The following IL1RAPL1 variants were observed in gnomAD, a reference collection of about 807,000 sequenced individuals.
The protein encoded by IL1RAPL1 is interleukin 1 receptor accessory protein like 1, also known as interleukin-1 receptor accessory protein-like 1.
Under a neutral mutation model 48.4 loss-of-function variants are expected in IL1RAPL1, and 3 were observed. The ratio of observed to expected loss-of-function variants is 0.06; its 90% CI spans 0.03 to 0.16. The LOEUF is 0.16. IL1RAPL1 is among the 10% of genes least tolerant of loss of function. IL1RAPL1 has a pLI of 1.00. For synonymous variants in IL1RAPL1, 185 were observed against 187.7 expected, an observed-to-expected ratio of 0.99 and a Z score of 0.12; for missense variants, 349 against 530.6, an observed-to-expected ratio of 0.66 and a Z score of 3.36.
At chrX:29,784,987 T>A (rs1929460228) in intron 6 of IL1RAPL1, among the ~76,000 whole-genome samples, 1 of 112,127 alleles carries the variant, frequency 8.9e-6, no homozygotes, top group Non-Finnish European at 1.9e-5. Context: ...TTACCTCTTT[T>A]GACAAAATAG....
intron 2 of IL1RAPL1, among the ~76,000 whole-genome samples, chrX:29,064,873 G>A (rs1287212515): frequency 1.8e-5 from 2 of 111,837 alleles, no homozygotes; most frequent in African/African-American, 3.2e-5. Flanking sequence ...GAGCCATTGC[G>A]CCCGGCCGAG....
intron 2 of IL1RAPL1, among the ~76,000 whole-genome samples, chrX:28,850,158 C>T (rs1601930555): frequency 8.9e-6 from 1 of 112,031 alleles, no homozygotes; most frequent in African/African-American, 3.2e-5. Context: ...TAAAATCACT[C>T]ATGTTTGTTT....
chrX:29,464,257 C>T (rs1461692438), intron 5 of IL1RAPL1, among the ~76,000 whole-genome samples: 4 of 111,575 alleles, frequency 3.6e-5, no homozygotes, highest in African/African-American at 1.3e-4. Context: ...CTTAAAAAGC[C>T]TAAATCACAG....
At position 28,785,891 on chromosome X, in the gene IL1RAPL1, A is replaced by G. The variant is rs140685298; in HGVS notation, c.-24-3429A>G. Reference sequence around the variant, plus strand: ...TAGCAAAACATCTTGTAACTAGTGTATGCTCAATAAGGGTTTATCAAATGA... The same window carrying G: ...TAGCAAAACATCTTGTAACTAGTGTGTGCTCAATAAGGGTTTATCAAATGA... On this transcript the variant is annotated intron_variant, in intron 1 of 10. Transcript: ENST00000378993. Among the ~76,000 whole-genome samples the G allele has an allele frequency of 1.5e-3, 165 of 112,424 alleles. 2 individuals are homozygous for G. The highest frequency in any genetic ancestry group is 5.2e-3 in the African/African-American group (161 of 30,999).
In IL1RAPL1 at chrX:29,859,302, C is replaced by A. The variant is rs189009760; in HGVS notation, c.779-58162C>A. Among the ~76,000 whole-genome samples the A allele has an allele frequency of 6.3e-5, 7 of 111,994 alleles. No individual in the cohort carries two copies. In the East Asian group the frequency reaches 2.0e-3, roughly 32 times the overall value. On this transcript the variant is annotated intron_variant, in intron 6 of 10. Transcript: ENST00000378993. ...AGGTTTTTTCTTTTACAGTTGGTAA[C>A]ACCATCCAGTCACCTAAATTAAGAC...
chrX:29,887,535 A>G (rs1446205818), intron 6 of IL1RAPL1, among the ~76,000 whole-genome samples: 2 of 112,105 alleles, frequency 1.8e-5, no homozygotes, highest in Non-Finnish European at 3.8e-5. Context: ...AGCTATGTCA[A>G]ATCTCTCCAT....
intron 5 of IL1RAPL1, among the ~76,000 whole-genome samples, chrX:29,409,629 C>G (rs774840127): frequency 2.1e-4 from 23 of 111,198 alleles, no homozygotes; most frequent in Middle Eastern, 4.6e-3. Flanking sequence ...TGTTTTTACT[C>G]TTGAGCAGAA....
intron 1 of IL1RAPL1, among the ~76,000 whole-genome samples, chrX:28,738,718 G>C (rs1290880753): frequency 9.0e-6 from 1 of 111,483 alleles, no homozygotes; most frequent in Non-Finnish European, 1.9e-5. Flanking sequence ...GCAAGATGGA[G>C]TTAGAAAGAT....
chrX:29,546,878 A>G (rs780708514), intron 5 of IL1RAPL1, among the ~76,000 whole-genome samples: 1 of 112,027 alleles, frequency 8.9e-6, no homozygotes, highest in Non-Finnish European at 1.9e-5. Flanking sequence ...CTGATTTTAT[A>G]TCATTCATCT....
chrX:29,891,050 G>C (rs1932267335), intron 6 of IL1RAPL1, among the ~76,000 whole-genome samples: 1 of 111,618 alleles, frequency 9.0e-6, no homozygotes, highest in African/African-American at 3.3e-5. Context: ...CTTTCTTCCA[G>C]TTCACTGCTT....
At chrX:29,613,022 TG>T (rs945813933) in intron 5 of IL1RAPL1, among the ~76,000 whole-genome samples, 1 of 111,976 alleles carries the variant, frequency 8.9e-6, no homozygotes, top group African/African-American at 3.2e-5. Flanking sequence ...TTTGTTAATT[TG>T]TCTGTTTTAG....
chrX:29,651,606 A>G (rs180672023), intron 5 of IL1RAPL1, among the ~76,000 whole-genome samples: 218 of 111,505 alleles, frequency 2.0e-3, no homozygotes, highest in African/African-American at 6.9e-3. Context: ...GATGGATACC[A>G]GAGGCTGGGG....
chrX:28,946,280 T>C (rs896526946), intron 2 of IL1RAPL1, among the ~76,000 whole-genome samples: 2 of 110,605 alleles, frequency 1.8e-5, no homozygotes, highest in Non-Finnish European at 3.8e-5. Flanking sequence ...ATCATTTATT[T>C]TACTTCATTT....
At chrX:29,046,341 C>T (rs1480500534) in intron 2 of IL1RAPL1, among the ~76,000 whole-genome samples, 2 of 111,366 alleles carry the variant, frequency 1.8e-5, no homozygotes, top group African/African-American at 3.3e-5. Context: ...TGCAGGGTTC[C>T]CAAGTGGCCA....
At chrX:28,598,741 C>T (rs1601829296) in intron 1 of IL1RAPL1, among the ~76,000 whole-genome samples, 1 of 107,126 alleles carries the variant, frequency 9.3e-6, no homozygotes, top group Admixed American at 9.8e-5. Context: ...CAAATCTCCT[C>T]CCTCAGCCTC....
intron 6 of IL1RAPL1, among the ~76,000 whole-genome samples, chrX:29,731,602 A>G (rs957697285): frequency 1.8e-5 from 2 of 111,923 alleles, no homozygotes; most frequent in African/African-American, 3.2e-5. Context: ...AATCTAATAA[A>G]CTTACCTTTC....
At chrX:28,976,606 G>A (rs1925213780) in intron 2 of IL1RAPL1, among the ~76,000 whole-genome samples, 1 of 111,276 alleles carries the variant, frequency 9.0e-6, no homozygotes, top group Admixed American at 9.6e-5. Context: ...ATTAAATCTG[G>A]GGTTCAAGGA....
chrX:28,636,346 T>G (rs1041586612), intron 1 of IL1RAPL1, among the ~76,000 whole-genome samples: 3 of 112,054 alleles, frequency 2.7e-5, no homozygotes, highest in African/African-American at 9.7e-5. Flanking sequence ...AATACCATCT[T>G]GGAAGTTAGT....
At chrX:29,217,675 A>G (rs1217616097) in intron 2 of IL1RAPL1, among the ~76,000 whole-genome samples, 1 of 110,358 alleles carries the variant, frequency 9.1e-6, no homozygotes, top group East Asian at 2.8e-4. Flanking sequence ...CACTTTAAGA[A>G]ACTGCATGAA....
Sources: allele counts gnomAD v4.1 joint callset (sites outside exome capture counted in the v4.1 genomes callset), GRCh38; gene constraint gnomAD v4.1.1; transcripts MANE v1.5; gene names NCBI Gene and HGNC (gene_info 2026-07-23, HGNC 2026-07-21).